Variants in DAPP1 observed in about 807,000 individuals in gnomAD.
The protein encoded by DAPP1 is dual adapter for phosphotyrosine and 3-phosphotyrosine and 3-phosphoinositide.
A neutral mutation model predicts 41.5 loss-of-function variants in DAPP1; 20 were observed. That is an observed-to-expected ratio of 0.48 (90% confidence interval 0.34 to 0.70). DAPP1 has a LOEUF of 0.70. Among genes scored for constraint, DAPP1 ranks in the 30% least tolerant of loss-of-function variants. The probability of loss-of-function intolerance (pLI) is 0.01; values close to 1 mark genes in which losing one functional copy is unlikely to be tolerated. For missense variants in DAPP1, 233 were observed against 333.4 expected, an observed-to-expected ratio of 0.70 and a Z score of 2.35; for synonymous variants, 113 against 116.2, an observed-to-expected ratio of 0.97 and a Z score of 0.18.
At chr4:99,853,196 T>C in intron 3 of DAPP1, 22 bp from the exon 4 acceptor site, 1 of 1,613,590 alleles carries the variant, frequency 6.2e-7, no homozygotes, top group Non-Finnish European at 8.5e-7. Context: ...TGTTCGATTA[T>C]ATATTTTTCA....
At chr4:99,830,400 A>G (rs1723083097) in intron 1 of DAPP1, among the ~76,000 whole-genome samples, 1 of 152,182 alleles carries the variant, frequency 6.6e-6, no homozygotes, top group South Asian at 2.1e-4. Flanking sequence ...AAAAAATTGA[A>G]TATAGAGCAA....
At chr4:99,821,628 T>C (rs907808774) in intron 1 of DAPP1, among the ~76,000 whole-genome samples, 1 of 152,216 alleles carries the variant, frequency 6.6e-6, no homozygotes, top group Non-Finnish European at 1.5e-5. Context: ...TGCTTAAGTT[T>C]CCATTCTAAC....
intron 1 of DAPP1, among the ~76,000 whole-genome samples, chr4:99,825,390 TC>T (rs1182711522): frequency 1.3e-4 from 20 of 152,202 alleles, no homozygotes; most frequent in Non-Finnish European, 2.4e-4. Flanking sequence ...GATCTCAAAC[TC>T]CTACAGAATT....
intron 1 of DAPP1, among the ~76,000 whole-genome samples, chr4:99,833,664 C>A (rs1482945716): frequency 6.6e-6 from 1 of 152,176 alleles, no homozygotes; most frequent in Non-Finnish European, 1.5e-5. Flanking sequence ...TGTATAATTG[C>A]CTGTCTCTCT....
intron 1 of DAPP1, among the ~76,000 whole-genome samples, chr4:99,820,635 C>T (rs1378224342): frequency 1.3e-5 from 2 of 152,148 alleles, no homozygotes; most frequent in Non-Finnish European, 2.9e-5. Flanking sequence ...TAATTAGTCA[C>T]ATATAAGAGA....
At chr4:99,858,962 T>TGATCACG (rs1359135645) in intron 4 of DAPP1, among the ~76,000 whole-genome samples, 75 of 152,174 alleles carry the variant, frequency 4.9e-4, no homozygotes, top group Non-Finnish European at 6.3e-4. Flanking sequence ...TGCAGTGGTG[T>TGATCACG]GATCACGGCT....
At chr4:99,843,115 C>G (rs985833548) in intron 3 of DAPP1, among the ~76,000 whole-genome samples, 1 of 152,164 alleles carries the variant, frequency 6.6e-6, no homozygotes, top group African/African-American at 2.4e-5. Context: ...TCAGCCAGAC[C>G]CCACCCAGGC....
Position 99,868,903 on chromosome 4 carries a change from G to A in DAPP1, c.*718G>A, listed in dbSNP as rs1724554885. ...AAACCATTATTTTCACCCTGTTGGG[G>A]TAAATGTTTTAAAGAGTGAGAAAAC... On this transcript the variant is annotated 3_prime_UTR_variant, in exon 9 of 9. Transcript: ENST00000512369. 1 of 152,076 alleles carries A rather than the reference G, an allele frequency of 6.6e-6. No homozygotes were observed. The highest frequency in any genetic ancestry group is 2.4e-5 in the African/African-American group (1 of 41,408). 9.4% of individuals were successfully genotyped at this position (152,076 alleles called of 1,614,324 possible).
At chr4:99,850,489 T>C (rs1723817764) in intron 3 of DAPP1, among the ~76,000 whole-genome samples, 1 of 152,156 alleles carries the variant, frequency 6.6e-6, no homozygotes, top group Non-Finnish European at 1.5e-5. Flanking sequence ...TTCTGGAGTG[T>C]CATTTAAAGC....
rs1723935494 is a variant in DAPP1 at position 99,853,354 on chromosome 4, T to G, written c.489+6T>G. ...TTGTGCCCACAGCACCTTCTGTAAGTGACCTTCAACGTGACCACAAGCTCT... is the reference window on the plus strand; with the variant it reads ...TTGTGCCCACAGCACCTTCTGTAAGGGACCTTCAACGTGACCACAAGCTCT... On this transcript the variant is annotated splice_donor_region_variant and intron_variant, in intron 4 of 8. Coordinates refer to ENST00000512369, the MANE Select transcript of DAPP1 (RefSeq NM_014395.3). The G allele has an allele frequency of 1.2e-6, 2 of 1,604,558 alleles. No individual in the cohort carries two copies. The highest frequency in any genetic ancestry group is 2.7e-5 in the African/African-American group (2 of 74,852).
chr4:99,856,914 T>A (rs1257603323), intron 4 of DAPP1, among the ~76,000 whole-genome samples: 2 of 152,204 alleles, frequency 1.3e-5, no homozygotes, highest in African/African-American at 4.8e-5. Context: ...GGAACCCAAA[T>A]CTTTTCTAAT....
At chr4:99,833,210 C>CT (rs1389868715) in intron 1 of DAPP1, among the ~76,000 whole-genome samples, 4 of 152,152 alleles carry the variant, frequency 2.6e-5, no homozygotes, top group Non-Finnish European at 5.9e-5. Flanking sequence ...TCCAATTGTT[C>CT]TTTGAAAGCA....
intron 4 of DAPP1, among the ~76,000 whole-genome samples, chr4:99,857,237 A>T (rs1724075958): frequency 6.6e-6 from 1 of 152,226 alleles, no homozygotes; most frequent in African/African-American, 2.4e-5. Context: ...GTGATACACG[A>T]AAGAAAGAGT....
rs1303789907 is a variant in DAPP1 at position 99,830,396 on chromosome 4, T to A, written c.102-5227T>A. 2.7e-5 allele frequency among the ~76,000 whole-genome samples: 4 copies of A among 150,840 alleles called. No individual in the cohort carries two copies. The South Asian group carries it at 6.3e-4, about 24-fold the overall frequency. On this transcript the variant is annotated intron_variant, in intron 1 of 8. Transcript: ENST00000512369. ...AGACTCTATCTAGGAAAAAAAAAAA[T>A]TGAATATAGAGCAAATTATAGAAAC...
intron 4 of DAPP1, among the ~76,000 whole-genome samples, chr4:99,858,383 G>A (rs1455487851): frequency 6.6e-6 from 1 of 152,140 alleles, no homozygotes; most frequent in South Asian, 2.1e-4. Context: ...GTTTTTTCAT[G>A]TTGGCTACAA....
intron 1 of DAPP1, among the ~76,000 whole-genome samples, chr4:99,820,762 G>A (rs1262941658): frequency 6.6e-6 from 1 of 152,118 alleles, no homozygotes; most frequent in Admixed American, 6.5e-5. Context: ...CTGCTGTTGT[G>A]CAAAAACTAC....
At position 99,854,139 on chromosome 4, in the gene DAPP1, C is replaced by T. The variant is rs546591834; in HGVS notation, c.489+791C>T. 3.3e-5 allele frequency among the ~76,000 whole-genome samples: 5 copies of T among 152,272 alleles called. No individual in the cohort carries two copies. In the South Asian group the frequency reaches 1.0e-3, roughly 32 times the overall value. ...AGAAAACACTTGTGCTTCTTTGCAA[C>T]GTGAGCCATTGTTCAATTTCAGTGC... On this transcript the variant is annotated intron_variant, in intron 4 of 8. Coordinates refer to ENST00000512369, the MANE Select transcript of DAPP1 (RefSeq NM_014395.3).
At chr4:99,820,901 C>T (rs1359244204) in intron 1 of DAPP1, among the ~76,000 whole-genome samples, 1 of 152,124 alleles carries the variant, frequency 6.6e-6, no homozygotes, top group Admixed American at 6.5e-5. Flanking sequence ...AATGTACAGC[C>T]ATTCTTGGCT....
At chr4:99,844,294 G>A (rs1212617392) in intron 3 of DAPP1, 1 of 152,206 alleles carries the variant, frequency 6.6e-6, no homozygotes, top group East Asian at 1.9e-4. Flanking sequence ...AACTTCCTAA[G>A]GCTTCACCTC....
Sources: allele counts gnomAD v4.1 joint callset (sites outside exome capture counted in the v4.1 genomes callset), GRCh38; gene constraint gnomAD v4.1.1; transcripts MANE v1.5; gene names NCBI Gene and HGNC (gene_info 2026-07-23, HGNC 2026-07-21).